CNTN6: variants seen among roughly 807,000 people sequenced by gnomAD.
CNTN6 encodes the protein contactin 6.
CNTN6 carries 137 observed loss-of-function variants against 122.8 expected under a neutral mutation model. The ratio of observed to expected loss-of-function variants is 1.12; its 90% CI spans 0.97 to 1.29. The LOEUF (loss-of-function observed/expected upper bound fraction) is 1.29. CNTN6 is among the 50% of genes most tolerant of loss of function. CNTN6 has a pLI of 0.00. For synonymous variants in CNTN6, 570 were observed against 426.0 expected (o/e 1.34, Z -4.16); for missense variants, 1,634 against 1,223.4 (o/e 1.34, Z -5.01).
chr3:1,163,611 T>G (rs2125256827), intron 2 of CNTN6, among the ~76,000 whole-genome samples: 1 of 152,228 alleles, frequency 6.6e-6, no homozygotes, highest in South Asian at 2.1e-4. Flanking sequence ...ACAGATGAGG[T>G]TTTGCTATGC....
intron 2 of CNTN6, among the ~76,000 whole-genome samples, chr3:1,205,811 A>T (rs1270850497): frequency 6.6e-6 from 1 of 152,200 alleles, no homozygotes; most frequent in Non-Finnish European, 1.5e-5. Flanking sequence ...AAATGTATAA[A>T]TAGATGCAGA....
intron 1 of CNTN6, among the ~76,000 whole-genome samples, chr3:1,114,358 G>A (rs1347966119): frequency 6.6e-6 from 1 of 152,172 alleles, no homozygotes; most frequent in Non-Finnish European, 1.5e-5. Flanking sequence ...TCAAGCCTTG[G>A]AGATGTTGAG....
intron 12 of CNTN6, among the ~76,000 whole-genome samples, chr3:1,362,878 GA>G: frequency 6.6e-6 from 1 of 151,040 alleles, no homozygotes; most frequent in East Asian, 1.9e-4. Flanking sequence ...AAACTAAAGG[GA>G]AAAAAATCAG....
At chr3:1,202,792 G>A (rs2093904373) in intron 2 of CNTN6, among the ~76,000 whole-genome samples, 1 of 152,082 alleles carries the variant, frequency 6.6e-6, no homozygotes, top group Non-Finnish European at 1.5e-5. Context: ...AAAATATTGA[G>A]TATGAGTCTG....
At chr3:1,131,354 T>C (rs1192660414) in intron 1 of CNTN6, among the ~76,000 whole-genome samples, 2 of 152,108 alleles carry the variant, frequency 1.3e-5, no homozygotes, top group East Asian at 1.9e-4. Context: ...GCAGGAGCTA[T>C]ATGCAAGCTT....
At chr3:1,153,435 A>G (rs1052589750) in intron 2 of CNTN6, among the ~76,000 whole-genome samples, 1 of 152,214 alleles carries the variant, frequency 6.6e-6, no homozygotes, top group East Asian at 1.9e-4. Flanking sequence ...TTGCTGACAA[A>G]TGTGGTTATA....
chr3:1,261,534 C>T (rs1375556912), intron 4 of CNTN6, among the ~76,000 whole-genome samples: 1 of 152,026 alleles, frequency 6.6e-6, no homozygotes, highest in African/African-American at 2.4e-5. Context: ...GGTAACCTGG[C>T]CTGCTTTCTA....
intron 1 of CNTN6, among the ~76,000 whole-genome samples, chr3:1,107,898 G>A (rs527587635): frequency 1.3e-5 from 2 of 152,062 alleles, no homozygotes; most frequent in South Asian, 2.1e-4. Context: ...TAAATCACCC[G>A]AAATTATTTA....
At chr3:1,099,226 C>A (rs527515824) in intron 1 of CNTN6, among the ~76,000 whole-genome samples, 47 of 151,888 alleles carry the variant, frequency 3.1e-4, no homozygotes, top group Non-Finnish European at 4.4e-4. Flanking sequence ...CCGAGGCGGG[C>A]GGATCACGAG....
intron 1 of CNTN6, among the ~76,000 whole-genome samples, chr3:1,142,951 A>C (rs1187299698): frequency 7.6e-6 from 1 of 131,620 alleles, no homozygotes; most frequent in South Asian, 2.3e-4. Context: ...GATACATATA[A>C]ATTTGTGTGT....
intron 20 of CNTN6, among the ~76,000 whole-genome samples, chr3:1,398,807 G>T (rs1414004701): frequency 6.6e-6 from 1 of 152,082 alleles, no homozygotes; most frequent in Non-Finnish European, 1.5e-5. Context: ...ATCTCCCAGA[G>T]AGCAAGAGAA....
chr3:1,402,445 A>T lies in CNTN6; in HGVS notation c.2945A>T (p.Asp982Val). 1 of 1,612,022 alleles carries T rather than the reference A, an allele frequency of 6.2e-7. No homozygotes were observed. Among genetic ancestry groups the T allele is most frequent in the South Asian group, 1.1e-5 (1 of 90,930 alleles). The change falls in exon 22 of 23, where the codon GAT becomes GTT. Residue 982 changes from aspartate (D) to valine (V), a missense_variant. By Grantham distance (152) the Asp-to-Val change is radical (BLOSUM62 -3). Transcript: ENST00000446702. Reference sequence around the variant, plus strand: ...ATAAGAACAGTCAGTGATGGTGGAGATGGAAGCAGCAGTGAGGAAATTAGG... The same window carrying T: ...ATAAGAACAGTCAGTGATGGTGGAGTTGGAAGCAGCAGTGAGGAAATTAGG... ...IEIRTVSDGG[D>V]GSSSEEIRIP...
At chr3:1,275,645 T>C (rs1282449259) in intron 4 of CNTN6, among the ~76,000 whole-genome samples, 5 of 152,202 alleles carry the variant, frequency 3.3e-5, no homozygotes, top group African/African-American at 1.2e-4. Flanking sequence ...AAGCTTGTTT[T>C]CCTGCCACTA....
intron 6 of CNTN6, among the ~76,000 whole-genome samples, chr3:1,297,356 G>C (rs1372194352): frequency 6.6e-6 from 1 of 152,090 alleles, no homozygotes; most frequent in Non-Finnish European, 1.5e-5. Flanking sequence ...TCCTCTGGTA[G>C]GCAGTGTATT....
At chr3:1,393,924 T>C (rs1460172767) in intron 20 of CNTN6, among the ~76,000 whole-genome samples, 1 of 152,182 alleles carries the variant, frequency 6.6e-6, no homozygotes. Context: ...TTTATATAAA[T>C]ATATAAAAGT....
rs377653755 is a variant in CNTN6 at position 1,349,436 on chromosome 3, A to G, written c.1365-2888A>G. Among the ~76,000 whole-genome samples, 165 of 151,878 alleles carry G rather than the reference A, an allele frequency of 1.1e-3. 3 individuals carry two copies. In the South Asian group the frequency reaches 0.03, roughly 27 times the overall value. On this transcript the variant is annotated intron_variant, in intron 11 of 22. Coordinates refer to ENST00000446702, the MANE Select transcript of CNTN6 (RefSeq NM_001289080.2). ...GCCAGAGAAGCATATATGCAAATGA[A>G]GGTAGAATATTTTAATGTCGTTCAT...
chr3:1,386,607 T>A (rs932832124), intron 20 of CNTN6, among the ~76,000 whole-genome samples: 6 of 152,178 alleles, frequency 3.9e-5, no homozygotes, highest in African/African-American at 1.4e-4. Context: ...TCCTGTAAGA[T>A]GATTTTTTTG....
chr3:1,286,831 A>G (rs566834568), intron 5 of CNTN6, among the ~76,000 whole-genome samples: 2 of 152,294 alleles, frequency 1.3e-5, no homozygotes, highest in East Asian at 3.9e-4. Context: ...GACCCACCTC[A>G]TGTGCAAAGA....
chr3:1,115,661 A>C (rs1477312732), intron 1 of CNTN6, among the ~76,000 whole-genome samples: 1 of 152,190 alleles, frequency 6.6e-6, no homozygotes, highest in Non-Finnish European at 1.5e-5. Flanking sequence ...CTGAGGCAGG[A>C]GAATTGCTTG....
Sources: allele counts gnomAD v4.1 joint callset (sites outside exome capture counted in the v4.1 genomes callset), GRCh38; gene constraint gnomAD v4.1.1; transcripts MANE v1.5; gene names NCBI Gene and HGNC (gene_info 2026-07-23, HGNC 2026-07-21).